PHKB: variants seen among roughly 807,000 people sequenced by gnomAD.
PHKB encodes phosphorylase b kinase regulatory subunit beta.
In PHKB, 122 loss-of-function variants were observed where a neutral mutation model predicts 152.1. That is an observed-to-expected ratio of 0.80 (90% CI 0.69 to 0.93). The LOEUF (loss-of-function observed/expected upper bound fraction) is 0.93. Ranked by LOEUF, PHKB falls within the 40% of genes least tolerant of loss-of-function variation. The pLI is 0.00. For missense variants in PHKB, 1,304 were observed against 1,328.4 expected (o/e 0.98, Z 0.29); for synonymous variants, 436 against 464.9 (o/e 0.94, Z 0.80).
chr16:47,492,320 C>G (rs1251532376), intron 1 of PHKB, among the ~76,000 whole-genome samples: 2 of 152,148 alleles, frequency 1.3e-5, no homozygotes, highest in African/African-American at 4.8e-5. Flanking sequence ...AATTAAAACT[C>G]TACTGAGAAT....
intron 28 of PHKB, among the ~76,000 whole-genome samples, chr16:47,695,610 T>A (rs988534330): frequency 6.6e-6 from 1 of 152,258 alleles, no homozygotes; most frequent in Non-Finnish European, 1.5e-5. Context: ...TTGAGTTCAC[T>A]GTAAACTATC....
intron 6 of PHKB, among the ~76,000 whole-genome samples, chr16:47,532,233 G>A (rs1211278287): frequency 6.6e-6 from 1 of 152,204 alleles, no homozygotes; most frequent in Non-Finnish European, 1.5e-5. Context: ...GCCCTCTTGA[G>A]GTGGGCATAA....
intron 1 of PHKB, among the ~76,000 whole-genome samples, chr16:47,479,222 A>T (rs1969922737): frequency 6.6e-6 from 1 of 152,146 alleles, no homozygotes; most frequent in Non-Finnish European, 1.5e-5. Context: ...GTGAGAGTTG[A>T]GCTGATGAGA....
chr16:47,554,130 C>T (rs1971323123), intron 7 of PHKB, among the ~76,000 whole-genome samples: 1 of 152,166 alleles, frequency 6.6e-6, no homozygotes, highest in African/African-American at 2.4e-5. Flanking sequence ...CCACAGCTGC[C>T]CCTTCCCTCT....
rs1974235087 is a variant in PHKB at position 47,700,796 on chromosome 16, G to T, written c.*1430G>T. 4.6e-5 allele frequency: 7 copies of T among 152,096 alleles called. No homozygotes were observed. The highest frequency in any genetic ancestry group is 4.6e-4 in the Admixed American group (7 of 15,264). The allele number at this position is 152,096 out of a possible 1,614,324, so 9.4% of individuals were successfully genotyped here. On this transcript the variant is annotated 3_prime_UTR_variant, in exon 31 of 31. Coordinates refer to ENST00000323584, the MANE Select transcript of PHKB (RefSeq NM_000293.3). ...AAATGCAGCTTATTTGTAGTGTTTT[G>T]AAAGGATGTAAGAAAGGATGAGTGG... is the stretch of plus-strand genomic sequence containing the variant.
chr16:47,515,752 A>G (rs1289018109), intron 6 of PHKB, 151 bp downstream of exon 6: 2 of 643,090 alleles, frequency 3.1e-6, no homozygotes, highest in East Asian at 2.7e-5. Context: ...GTTGAATGAA[A>G]AAGTCTTTAT....
At chr16:47,660,022 C>T (rs1367236130) in intron 20 of PHKB, among the ~76,000 whole-genome samples, 4 of 152,096 alleles carry the variant, frequency 2.6e-5, no homozygotes, top group African/African-American at 9.7e-5. Flanking sequence ...TGCCACCACG[C>T]CCAGCTAATT....
intron 7 of PHKB, among the ~76,000 whole-genome samples, chr16:47,579,024 C>G (rs1249729432): frequency 2.6e-5 from 4 of 152,020 alleles, no homozygotes; most frequent in Non-Finnish European, 1.5e-5. Flanking sequence ...AAAAGGAAAC[C>G]CAGGGCAGTT....
chr16:47,550,515 A>G (rs955026029), intron 7 of PHKB, among the ~76,000 whole-genome samples: 16 of 152,152 alleles, frequency 1.1e-4, no homozygotes, highest in African/African-American at 3.9e-4. Context: ...TCTCTGTGCT[A>G]TACAGTCATC....
At chr16:47,671,484 A>G (rs1169838210) in intron 26 of PHKB, among the ~76,000 whole-genome samples, 1 of 152,080 alleles carries the variant, frequency 6.6e-6, no homozygotes, top group Non-Finnish European at 1.5e-5. Flanking sequence ...TATATTTTAT[A>G]CTTTATATTT....
chr16:47,523,569 C>G (rs1486998283), intron 6 of PHKB, among the ~76,000 whole-genome samples: 3 of 152,214 alleles, frequency 2.0e-5, no homozygotes, highest in Non-Finnish European at 4.4e-5. Context: ...TGTAGAGCAT[C>G]CAGTTCAGCC....
At chr16:47,480,576 A>T (rs1010412890) in intron 1 of PHKB, among the ~76,000 whole-genome samples, 7 of 152,182 alleles carry the variant, frequency 4.6e-5, no homozygotes, top group African/African-American at 7.2e-5. Context: ...AACTACAAAA[A>T]ACTGACAAGT....
At chr16:47,693,880 T>C (rs1974104657) in intron 28 of PHKB, among the ~76,000 whole-genome samples, 1 of 152,202 alleles carries the variant, frequency 6.6e-6, no homozygotes, top group African/African-American at 2.4e-5. Context: ...TGTCCTTCCT[T>C]TGTTTACTTA....
chr16:47,649,275 T>A, intron 18 of PHKB, 71 bp downstream of exon 18: 1 of 863,214 alleles, frequency 1.2e-6, no homozygotes. Flanking sequence ...TGTTACTATA[T>A]TGAGTACTCC....
chr16:47,604,446 T>A (rs1972288836), intron 13 of PHKB, among the ~76,000 whole-genome samples: 1 of 152,110 alleles, frequency 6.6e-6, no homozygotes, highest in Non-Finnish European at 1.5e-5. Context: ...CACACATGTA[T>A]TTGGAATTTT....
chr16:47,492,130 A>G (rs956675070), intron 1 of PHKB, among the ~76,000 whole-genome samples: 4 of 152,096 alleles, frequency 2.6e-5, no homozygotes, highest in African/African-American at 9.7e-5. Flanking sequence ...GCAGGATTGA[A>G]CTCCTGGCTG....
At chr16:47,548,148 CTGAT>C (rs1175658408) in intron 7 of PHKB, 3 of 153,178 alleles carry the variant, frequency 2.0e-5, no homozygotes, top group Non-Finnish European at 4.4e-5. Flanking sequence ...GCTTTAGTGA[CTGAT>C]TGTACCTTTC....
intron 1 of PHKB, among the ~76,000 whole-genome samples, chr16:47,470,829 G>A (rs879876575): frequency 1.3e-5 from 2 of 152,142 alleles, no homozygotes; most frequent in Non-Finnish European, 2.9e-5. Flanking sequence ...CCTCTCTGAT[G>A]TAGGAAGTTT....
chr16:47,588,828 A>G (rs1349571987), intron 9 of PHKB, 77 bp from the exon 10 acceptor site: 23 of 1,270,918 alleles, frequency 1.8e-5, no homozygotes, highest in Non-Finnish European at 2.4e-5. Context: ...CTGGCTTTTC[A>G]TCTCTATCAT....
Sources: allele counts gnomAD v4.1 joint callset (sites outside exome capture counted in the v4.1 genomes callset), GRCh38; gene constraint gnomAD v4.1.1; transcripts MANE v1.5; gene names NCBI Gene and HGNC (gene_info 2026-07-23, HGNC 2026-07-21).